The following IL1RAPL1 variants were observed in gnomAD, a reference collection of about 807,000 sequenced individuals.
IL1RAPL1 encodes the protein interleukin 1 receptor accessory protein like 1, also known as interleukin-1 receptor accessory protein-like 1.
Under a neutral mutation model 48.4 loss-of-function variants are expected in IL1RAPL1, and 3 were observed. The ratio of observed to expected loss-of-function variants is 0.06; its 90% CI spans 0.03 to 0.16. IL1RAPL1 has a LOEUF of 0.16. IL1RAPL1 is among the 10% of genes least tolerant of loss of function. The pLI, the probability that IL1RAPL1 is intolerant of heterozygous loss-of-function variation, is 1.00. For missense variants in IL1RAPL1, 349 were observed against 530.6 expected (o/e 0.66, Z 3.36); for synonymous variants, 185 against 187.7 (o/e 0.99, Z 0.12).
intron 2 of IL1RAPL1, among the ~76,000 whole-genome samples, chrX:28,902,528 A>G (rs1317841558): frequency 8.9e-6 from 1 of 112,075 alleles, no homozygotes; most frequent in East Asian, 2.8e-4. Flanking sequence ...TTGTTGTGAG[A>G]CATCCTTGTG....
At chrX:29,122,409 TCACACACACACACACA>T (rs59677285) in intron 2 of IL1RAPL1, among the ~76,000 whole-genome samples, 12 of 64,569 alleles carry the variant, frequency 1.9e-4, no homozygotes, top group Admixed American at 8.0e-4. Context: ...TCTCTCTCTC[TCACACACACACACACA>T]CACACACACA....
At chrX:29,361,392 G>C (rs1325385009) in intron 3 of IL1RAPL1, among the ~76,000 whole-genome samples, 1 of 111,652 alleles carries the variant, frequency 9.0e-6, no homozygotes. Flanking sequence ...TTAGGCAAAA[G>C]GTGCGGATAC....
chrX:28,831,539 G>T (rs1302184091), intron 2 of IL1RAPL1, among the ~76,000 whole-genome samples: 1 of 109,765 alleles, frequency 9.1e-6, no homozygotes, highest in African/African-American at 3.3e-5. Context: ...AAACCAGTTT[G>T]TCCTCTTTAT....
intron 6 of IL1RAPL1, among the ~76,000 whole-genome samples, chrX:29,758,261 C>T (rs1046879209): frequency 9.0e-6 from 1 of 111,659 alleles, no homozygotes; most frequent in South Asian, 3.7e-4. Flanking sequence ...CAGAGACTTT[C>T]CTGTCTTCCA....
At chrX:29,504,029 C>G (rs1272088942) in intron 5 of IL1RAPL1, among the ~76,000 whole-genome samples, 1 of 104,892 alleles carries the variant, frequency 9.5e-6, no homozygotes, top group East Asian at 3.0e-4. Flanking sequence ...GGCGTGATCT[C>G]GACTCACTGC....
At chrX:29,601,777 G>A (rs1923726868) in intron 5 of IL1RAPL1, among the ~76,000 whole-genome samples, 1 of 111,890 alleles carries the variant, frequency 8.9e-6, no homozygotes, top group African/African-American at 3.2e-5. Context: ...GATGGTGAAG[G>A]GCAACACAAC....
intron 6 of IL1RAPL1, among the ~76,000 whole-genome samples, chrX:29,906,367 TAAA>T (rs1459780207): frequency 3.3e-5 from 3 of 92,065 alleles, no homozygotes; most frequent in Admixed American, 2.6e-4. Context: ...AAAAAAAACA[TAAA>T]AAAGCAGGAA....
chrX:28,961,800 A>C (rs1924785401), intron 2 of IL1RAPL1, among the ~76,000 whole-genome samples: 1 of 111,841 alleles, frequency 8.9e-6, no homozygotes, highest in Admixed American at 9.5e-5. Flanking sequence ...TCATATTTAA[A>C]TGTTCCATAT....
At chrX:29,422,371 T>TA (rs1934301059) in intron 5 of IL1RAPL1, among the ~76,000 whole-genome samples, 4 of 111,336 alleles carry the variant, frequency 3.6e-5, no homozygotes, top group African/African-American at 1.3e-4. Flanking sequence ...GACTGCTTTT[T>TA]CAGTTCAGCA....
intron 6 of IL1RAPL1, among the ~76,000 whole-genome samples, chrX:29,731,723 A>G (rs1367685142): frequency 1.8e-5 from 2 of 112,198 alleles, no homozygotes; most frequent in East Asian, 5.6e-4. Context: ...CCCAGCTGGG[A>G]GCTGGAGGGG....
chrX:29,707,982 G>GA (rs951435501), intron 6 of IL1RAPL1, among the ~76,000 whole-genome samples: 5 of 107,913 alleles, frequency 4.6e-5, no homozygotes, highest in Admixed American at 9.9e-5. Context: ...TATATAACAG[G>GA]AAAAAAAATT....
At chrX:29,195,202 G>T (rs1930420025) in intron 2 of IL1RAPL1, among the ~76,000 whole-genome samples, 2 of 111,899 alleles carry the variant, frequency 1.8e-5, no homozygotes, top group Admixed American at 1.9e-4. Context: ...AGGTGCTGGG[G>T]GTGAGAAGAG....
At chrX:29,360,194 G>A (rs1933357709) in intron 3 of IL1RAPL1, among the ~76,000 whole-genome samples, 1 of 112,026 alleles carries the variant, frequency 8.9e-6, no homozygotes, top group South Asian at 3.7e-4. Context: ...TAATTTTACT[G>A]AGGTGTGGCT....
At chrX:29,559,372 T>G (rs1281916680) in intron 5 of IL1RAPL1, among the ~76,000 whole-genome samples, 1 of 112,187 alleles carries the variant, frequency 8.9e-6, no homozygotes, top group Non-Finnish European at 1.9e-5. Context: ...TTCAAGTTTT[T>G]GGAAAAGTTA....
chrX:29,812,032 A>G (rs190679440), intron 6 of IL1RAPL1, among the ~76,000 whole-genome samples: 19 of 112,062 alleles, frequency 1.7e-4, no homozygotes, highest in Non-Finnish European at 3.6e-4. Flanking sequence ...AAATGTGATA[A>G]GAAGAAACGC....
chrX:29,160,009 C>A (rs1208040847), intron 2 of IL1RAPL1, among the ~76,000 whole-genome samples: 2 of 112,016 alleles, frequency 1.8e-5, no homozygotes, highest in African/African-American at 6.5e-5. Flanking sequence ...CAGCACCCAG[C>A]CTCTTTTCTT....
chrX:28,692,601 AATT>A (rs1033315391), intron 1 of IL1RAPL1, among the ~76,000 whole-genome samples: 1 of 111,989 alleles, frequency 8.9e-6, no homozygotes, highest in Non-Finnish European at 1.9e-5. Flanking sequence ...GTTGTCAAAA[AATT>A]ATTAAGTAAT....
At chrX:28,626,906 T>C (rs1934346458) in intron 1 of IL1RAPL1, among the ~76,000 whole-genome samples, 1 of 112,140 alleles carries the variant, frequency 8.9e-6, no homozygotes, top group Admixed American at 9.5e-5. Context: ...TACAGAATAA[T>C]TTAATAAAAT....
At chrX:29,451,747 G>A (rs1029593540) in intron 5 of IL1RAPL1, among the ~76,000 whole-genome samples, 1 of 111,690 alleles carries the variant, frequency 9.0e-6, no homozygotes, top group African/African-American at 3.3e-5. Context: ...TTGTGAAACA[G>A]TGGCCCACAT....
Sources: allele counts gnomAD v4.1 joint callset (sites outside exome capture counted in the v4.1 genomes callset), GRCh38; gene constraint gnomAD v4.1.1; transcripts MANE v1.5; gene names NCBI Gene and HGNC (gene_info 2026-07-23, HGNC 2026-07-21).